GRAMD2B: variants seen among roughly 807,000 people sequenced by gnomAD.
The protein encoded by GRAMD2B is GRAM domain-containing protein 2B.
GRAMD2B carries 41 observed loss-of-function variants against 59.2 expected under a neutral mutation model. That is an observed-to-expected ratio of 0.69 (90% CI 0.54 to 0.90). GRAMD2B has a LOEUF of 0.90. Among genes scored for constraint, GRAMD2B ranks in the 40% least tolerant of loss-of-function variants. GRAMD2B has a pLI of 0.00. For synonymous variants in GRAMD2B, 161 were observed against 182.7 expected (o/e 0.88, Z 0.96); for missense variants, 424 against 500.5 (o/e 0.85, Z 1.46).
intron 1 of GRAMD2B, among the ~76,000 whole-genome samples, chr5:126,382,725 G>A (rs113916769): frequency 0.011 from 1,636 of 152,198 alleles, 39 homozygotes; most frequent in African/African-American, 0.038. Context: ...TGGATCCATT[G>A]CTGGTAAGCT....
At chr5:126,487,493 T>G (rs960372673) in intron 12 of GRAMD2B, among the ~76,000 whole-genome samples, 39 of 152,220 alleles carry the variant, frequency 2.6e-4, no homozygotes, top group African/African-American at 9.4e-4. Context: ...CCTGGCCTAA[T>G]TAAACCTTTT....
At chr5:126,461,967 C>A (rs1767451692) in intron 1 of GRAMD2B, among the ~76,000 whole-genome samples, 1 of 152,132 alleles carries the variant, frequency 6.6e-6, no homozygotes, top group Non-Finnish European at 1.5e-5. Flanking sequence ...GGAGAAATAA[C>A]CTGCCAAGGC....
chr5:126,428,907 A>C (rs1273252005), intron 1 of GRAMD2B, among the ~76,000 whole-genome samples: 1 of 152,218 alleles, frequency 6.6e-6, no homozygotes, highest in Non-Finnish European at 1.5e-5. Context: ...GCAAGGTTGC[A>C]GAGAAAAAAG....
intron 2 of GRAMD2B, among the ~76,000 whole-genome samples, chr5:126,465,977 G>C (rs1768287023): frequency 6.6e-6 from 1 of 152,196 alleles, no homozygotes; most frequent in Admixed American, 6.5e-5. Flanking sequence ...CTAAGAGGGA[G>C]GGTTGGTTTG....
At chr5:126,370,819 C>G (rs1754712923), upstream of GRAMD2B, among the ~76,000 whole-genome samples, 1 of 152,106 alleles carries the variant, frequency 6.6e-6, no homozygotes, top group African/African-American at 2.4e-5. Context: ...CTCCTATAAC[C>G]CAGCAAAATA....
At chr5:126,471,034 A>G (rs1769469985) in intron 3 of GRAMD2B, among the ~76,000 whole-genome samples, 1 of 152,188 alleles carries the variant, frequency 6.6e-6, no homozygotes, top group Non-Finnish European at 1.5e-5. Context: ...GCTTTAATCA[A>G]GGTATCTTTC....
At chr5:126,376,088 G>A (rs1009414243) in intron 1 of GRAMD2B, among the ~76,000 whole-genome samples, 9 of 152,160 alleles carry the variant, frequency 5.9e-5, no homozygotes, top group South Asian at 2.1e-4. Context: ...TTATCACTCC[G>A]GAAATTTAAG....
upstream of GRAMD2B, among the ~76,000 whole-genome samples, chr5:126,422,445 C>A (rs1424800200): frequency 6.6e-6 from 1 of 152,160 alleles, no homozygotes; most frequent in South Asian, 2.1e-4. Context: ...ATGATCCACC[C>A]GCCTCGGCCT....
chr5:126,389,408 C>T (rs1472267733), intron 1 of GRAMD2B, among the ~76,000 whole-genome samples: 1 of 152,174 alleles, frequency 6.6e-6, no homozygotes, highest in Non-Finnish European at 1.5e-5. Flanking sequence ...TGAGCAAGGA[C>T]ACCTTGCTTC....
At chr5:126,486,614 G>C (rs962231230) in intron 11 of GRAMD2B, among the ~76,000 whole-genome samples, 3 of 152,138 alleles carry the variant, frequency 2.0e-5, no homozygotes, top group African/African-American at 7.2e-5. Flanking sequence ...TCCAACTTGG[G>C]TCTGGCTCTG....
chr5:126,461,823 A>G (rs74983781), intron 1 of GRAMD2B, among the ~76,000 whole-genome samples: 4,387 of 152,288 alleles, frequency 0.029, 92 homozygotes, highest in Non-Finnish European at 0.043. Context: ...AAATAAAAAT[A>G]AAAATGCTCT....
At chr5:126,475,183 G>A (rs1436850892) in intron 5 of GRAMD2B, among the ~76,000 whole-genome samples, 2 of 152,152 alleles carry the variant, frequency 1.3e-5, no homozygotes, top group African/African-American at 2.4e-5. Flanking sequence ...CAGCCTGTCG[G>A]TATTTTCAGA....
intron 1 of GRAMD2B, among the ~76,000 whole-genome samples, chr5:126,409,122 C>T (rs969705288): frequency 2.6e-5 from 4 of 151,828 alleles, no homozygotes; most frequent in African/African-American, 9.7e-5. Flanking sequence ...CAAGTCTTTG[C>T]TATTGTGAAT....
chr5:126,460,135 TAAA>T (rs539786700), intron 1 of GRAMD2B, among the ~76,000 whole-genome samples: 1 of 151,036 alleles, frequency 6.6e-6, no homozygotes, highest in Non-Finnish European at 1.5e-5. Context: ...TAAAATAAGT[TAAA>T]AAAAAAGCAA....
chr5:126,479,355 A>G (rs988812769), intron 6 of GRAMD2B, among the ~76,000 whole-genome samples: 2 of 152,142 alleles, frequency 1.3e-5, no homozygotes, highest in South Asian at 2.1e-4. Context: ...TTTCCTTTCT[A>G]ACCATACTAG....
At chr5:126,488,691 C>T in intron 12 of GRAMD2B, 108 bp from the exon 13 acceptor site, 1 of 688,726 alleles carries the variant, frequency 1.5e-6, no homozygotes, top group Non-Finnish European at 2.5e-6. Context: ...AATGTTCATT[C>T]TCTTCTATTA....
chr5:126,428,354 ATAT>A (rs1760967357), intron 1 of GRAMD2B, among the ~76,000 whole-genome samples: 1 of 152,154 alleles, frequency 6.6e-6, no homozygotes, highest in Admixed American at 6.5e-5. Context: ...AATGGTATAC[ATAT>A]TATATTTATA....
intron 1 of GRAMD2B, among the ~76,000 whole-genome samples, chr5:126,379,821 G>A (rs1052918577): frequency 2.0e-5 from 3 of 152,158 alleles, no homozygotes; most frequent in African/African-American, 7.2e-5. Context: ...TTTGTCAGAT[G>A]TATAGATTGT....
chr5:126,478,290 T>C (rs889959934), intron 6 of GRAMD2B, among the ~76,000 whole-genome samples: 2 of 150,862 alleles, frequency 1.3e-5, no homozygotes, highest in Non-Finnish European at 3.0e-5. Context: ...ATATAAAAAT[T>C]AGCCAGGTGT....
Sources: gnomAD v4.1 joint callset for allele counts (sites outside exome capture counted in the v4.1 genomes callset) on GRCh38, gnomAD v4.1.1 for gene constraint, MANE v1.5 for transcripts, NCBI Gene and HGNC (gene_info 2026-07-23, HGNC 2026-07-21) for gene names.